ZNF324B: variants seen among roughly 807,000 people sequenced by gnomAD.
ZNF324B encodes the protein zinc finger protein 324B.
Under a neutral mutation model 10.6 loss-of-function variants are expected in ZNF324B, and 7 were observed. That is an observed-to-expected ratio of 0.66 (90% CI 0.38 to 1.24). The LOEUF (loss-of-function observed/expected upper bound fraction) is 1.24, where lower values mean the gene tolerates loss of function less well. ZNF324B is among the 50% of genes most tolerant of loss of function. The pLI, the probability that ZNF324B is intolerant of heterozygous loss-of-function variation, is 0.02. For missense variants in ZNF324B, 640 were observed against 764.7 expected, an observed-to-expected ratio of 0.84 and a Z score of 1.92; for synonymous variants, 316 against 321.0, an observed-to-expected ratio of 0.98 and a Z score of 0.17.
chr19:58,421,600 C>T, the ZNF324B span, among the ~76,000 whole-genome samples: 2 of 152,092 alleles, frequency 1.3e-5, no homozygotes, highest in Non-Finnish European at 2.9e-5. Flanking sequence ...GGGCTGGTCT[C>T]GAACCCCTGA....
At chr19:58,430,354 G>C in the ZNF324B span, 1 of 152,264 alleles carries the variant, frequency 6.6e-6, no homozygotes, top group South Asian at 2.1e-4. Flanking sequence ...TATAGAGACT[G>C]TGAAATAGTG....
chr19:58,433,770 G>T, the ZNF324B span: 1 of 1,614,196 alleles, frequency 6.2e-7, no homozygotes, highest in Non-Finnish European at 8.5e-7. Context: ...AGTGTTCAAT[G>T]AGAGTGGAGC....
Position 58,457,712 on chromosome 19 carries a change from G to A in ZNF324B, c.*1133G>A, listed in dbSNP as rs1038212335. The stretch of plus-strand genomic sequence containing the variant: ...AGACTGGGGGTCATTTGCTTCCTGT[G>A]GCCTTAAGCCTACTAGGCCCCATCC... On this transcript the variant is annotated 3_prime_UTR_variant, in exon 4 of 4. Transcript: ENST00000336614. 2.6e-5 allele frequency: 4 copies of A among 151,964 alleles called. No homozygotes were observed. Among genetic ancestry groups the A allele is most frequent in the Non-Finnish European group, 4.4e-5 (3 of 68,040 alleles). The allele number at this position is 151,964 out of a possible 1,614,324, so 9.4% of individuals were successfully genotyped here.
chr19:58,456,333 C>T lies in ZNF324B; in HGVS notation c.1389C>T (p.Ala463=), dbSNP rs764712650. 5 of 1,612,540 alleles carry T rather than the reference C, an allele frequency of 3.1e-6. No homozygotes were observed. In the South Asian group the frequency reaches 3.3e-5, roughly 11 times the overall value. The change falls in exon 4 of 4, where the codon GCC becomes GCT. Residue 463 remains alanine (A), a synonymous_variant. Transcript: ENST00000336614. This position sits in a 1 kb window ranked among gnomAD's most constrained non-coding sequence, Gnocchi z 4.7. ...FRCVDCGKGF[A]KGAVLLSHRR... ...GCGTGGACTGTGGCAAGGGTTTCGC[C>T]AAGGGCGCCGTGCTGCTCAGCCACC...
At chr19:58,421,049 G>C in the ZNF324B span, among the ~76,000 whole-genome samples, 1 of 150,864 alleles carries the variant, frequency 6.6e-6, no homozygotes, top group Non-Finnish European at 1.5e-5. Context: ...ATGTTATTCA[G>C]AATGGGCTAG....
rs2052929957 is a variant in ZNF324B, at chr19:58,457,025, CCT to C, written c.*447_*448del. ...AGACGGACGCTGAGGACATTTTCCC[CCT>C]GAGGCCTCTATTCAAGGCTTCCTGG... On this transcript the variant is annotated 3_prime_UTR_variant, in exon 4 of 4. Coordinates refer to ENST00000336614, the MANE Select transcript of ZNF324B (RefSeq NM_207395.3). The C allele has an allele frequency of 1.1e-5, 2 of 188,174 alleles. No homozygotes were observed. Among genetic ancestry groups the C allele is most frequent in the South Asian group, 2.4e-4 (2 of 8,496 alleles). 11.7% of individuals were successfully genotyped at this position (188,174 alleles called of 1,614,324 possible).
At chr19:58,446,616 C>T (rs1229319443), upstream of ZNF324B, among the ~76,000 whole-genome samples, 2 of 123,204 alleles carry the variant, frequency 1.6e-5, no homozygotes, top group Non-Finnish European at 1.6e-5. Context: ...CTTTCTCTGT[C>T]ACCAGGCTGG....
the ZNF324B span, chr19:58,418,648 T>TG: frequency 4.6e-5 from 7 of 152,220 alleles, no homozygotes; most frequent in Admixed American, 1.3e-4. Context: ...CTCACAGTCT[T>TG]GCCCAGGCTG....
chr19:58,451,829 A>C, intron 1 of ZNF324B, 125 bp downstream of exon 1: 1 of 292,544 alleles, frequency 3.4e-6, no homozygotes, highest in South Asian at 2.5e-5. Flanking sequence ...GAAGCCCAGG[A>C]GGCAGCGCAT....
chr19:58,444,564 G>A, the ZNF324B span: 1 of 152,206 alleles, frequency 6.6e-6, no homozygotes, highest in Non-Finnish European at 1.5e-5. Context: ...TATGGGCATA[G>A]GTGTCAATGG....
At chr19:58,419,050 G>A in the ZNF324B span, 1 of 152,164 alleles carries the variant, frequency 6.6e-6, no homozygotes, top group Non-Finnish European at 1.5e-5. Context: ...GGGATGGCAG[G>A]ATGACAGAAA....
the ZNF324B span, among the ~76,000 whole-genome samples, chr19:58,428,086 G>A: frequency 4.7e-4 from 72 of 152,276 alleles, no homozygotes; most frequent in Non-Finnish European, 8.7e-4. Context: ...CTTTGCTGAC[G>A]GCAAAACTGT....
the ZNF324B span, among the ~76,000 whole-genome samples, chr19:58,438,490 T>C: frequency 6.6e-6 from 1 of 151,040 alleles, no homozygotes. Flanking sequence ...TTTTTTTTTT[T>C]TGAGACAGAG....
upstream of ZNF324B, among the ~76,000 whole-genome samples, chr19:58,447,696 T>C (rs1180771921): frequency 9.9e-5 from 15 of 152,102 alleles, no homozygotes; most frequent in Non-Finnish European, 1.5e-5. Context: ...TGGTGAAACC[T>C]CGTTTCTACA....
At chr19:58,444,210 C>G in the ZNF324B span, 2 of 152,254 alleles carry the variant, frequency 1.3e-5, no homozygotes, top group African/African-American at 2.4e-5. Context: ...TGCCCTGACT[C>G]CTGTTCCCTG....
At chr19:58,451,828 G>A (rs1187050544) in intron 1 of ZNF324B, 124 bp downstream of exon 1, 5 of 292,736 alleles carry the variant, frequency 1.7e-5, no homozygotes, top group Non-Finnish European at 2.7e-5. Flanking sequence ...GGAAGCCCAG[G>A]AGGCAGCGCA....
chr19:58,453,560 C>A, intron 1 of ZNF324B, 136 bp from the exon 2 acceptor site: 3 of 1,213,936 alleles, frequency 2.5e-6, no homozygotes, highest in Non-Finnish European at 2.4e-6. Flanking sequence ...GAGGGAAGTG[C>A]CACCTGAAGA....
At chr19:58,433,327 G>T in the ZNF324B span, 1 of 1,610,758 alleles carries the variant, frequency 6.2e-7, no homozygotes, top group Non-Finnish European at 8.5e-7. Context: ...CTCCACTCAG[G>T]TATGAATCTT....
chr19:58,438,963 G>A, the ZNF324B span, among the ~76,000 whole-genome samples: 1 of 151,626 alleles, frequency 6.6e-6, no homozygotes, highest in African/African-American at 2.4e-5. Flanking sequence ...TAGTAGAGGT[G>A]GGGTTTCGCC....
Sources: gnomAD v4.1 joint callset for allele counts (sites outside exome capture counted in the v4.1 genomes callset) on GRCh38, gnomAD v4.1.1 for gene constraint, Gnocchi (gnomAD v3.1) non-coding constraint, MANE v1.5 for transcripts, NCBI Gene and HGNC (gene_info 2026-07-23, HGNC 2026-07-21) for gene names.